Variants in GLRA1 observed in about 807,000 individuals in gnomAD.
The protein encoded by GLRA1 is glycine receptor subunit alpha-1.
A neutral mutation model predicts 48.3 loss-of-function variants in GLRA1; 37 were observed. The ratio of observed to expected loss-of-function variants is 0.77; its 90% CI spans 0.59 to 1.01. The LOEUF (loss-of-function observed/expected upper bound fraction) is 1.01. Among genes scored for constraint, GLRA1 ranks in the 50% least tolerant of loss-of-function variants. The probability of loss-of-function intolerance (pLI) is 0.00; values close to 1 mark genes in which losing one functional copy is unlikely to be tolerated. For missense variants in GLRA1, 427 were observed against 571.0 expected, an observed-to-expected ratio of 0.75 and a Z score of 2.57; for synonymous variants, 196 against 210.7, an observed-to-expected ratio of 0.93 and a Z score of 0.60.
At chr5:151,873,516 C>T (rs548203007) in intron 3 of GLRA1, among the ~76,000 whole-genome samples, 12 of 151,752 alleles carry the variant, frequency 7.9e-5, no homozygotes, top group African/African-American at 1.2e-4. Context: ...AAAAATTAGC[C>T]GGGTGTGGTG....
rs774930624 is a variant in GLRA1, at chr5:151,855,021, G to C, written c.697+19C>G. The stretch of plus-strand genomic sequence containing the variant: ...CTGGTTGGGGGGTGGGATCTGAGGA[G>C]GGTGGCCCTTGTACCTACCTGTGTT... On this transcript the variant is annotated intron_variant, in intron 6 of 8. Coordinates refer to ENST00000274576, the MANE Select transcript of GLRA1 (RefSeq NM_000171.4). The C allele has an allele frequency of 6.2e-7, 1 of 1,613,224 alleles. No homozygotes were observed. The highest frequency in any genetic ancestry group is 8.5e-7 in the Non-Finnish European group (1 of 1,179,380).
chr5:151,907,869 C>G (rs183607023), intron 1 of GLRA1, among the ~76,000 whole-genome samples: 1 of 152,264 alleles, frequency 6.6e-6, no homozygotes, highest in East Asian at 1.9e-4. Flanking sequence ...TTGATGATGC[C>G]CAGGATTCTT....
intron 3 of GLRA1, among the ~76,000 whole-genome samples, chr5:151,884,178 C>G (rs6885939): frequency 0.02 from 3,071 of 152,188 alleles, 98 homozygotes; most frequent in African/African-American, 0.071. Context: ...TCTGTAATCC[C>G]AACACTTTGG....
At chr5:151,906,691 T>C (rs1183083550) in intron 1 of GLRA1, among the ~76,000 whole-genome samples, 1 of 152,150 alleles carries the variant, frequency 6.6e-6, no homozygotes, top group African/African-American at 2.4e-5. Context: ...TTTTTTCTTC[T>C]CCAAAACACT....
At chr5:151,866,527 G>A (rs1310388637) in intron 3 of GLRA1, among the ~76,000 whole-genome samples, 2 of 152,094 alleles carry the variant, frequency 1.3e-5, no homozygotes, top group African/African-American at 4.8e-5. Flanking sequence ...GCAAGAGGTG[G>A]GCCCATTGCA....
chr5:151,924,500 A>C lies in GLRA1; in HGVS notation c.50T>G (p.Phe17Cys). 6.3e-7 allele frequency: 1 copy of C among 1,588,188 alleles called. No individual in the cohort carries two copies. ...LRLYLWETIV[F>C]FSLAASKEAE... ...TCAGTAGAAAATTGCATACCTGAAGAATACAATGGTCTCCCAAAGGTAGAG... is the reference window on the plus strand; with the variant it reads ...TCAGTAGAAAATTGCATACCTGAAGCATACAATGGTCTCCCAAAGGTAGAG... The change falls in exon 1 of 9, where the codon TTC becomes TGC. Residue 17 changes from phenylalanine to cysteine, a missense_variant. By Grantham distance (205) the Phe-to-Cys change is radical. Transcript: ENST00000274576.
At chr5:151,918,932 C>T (rs1329711927) in intron 1 of GLRA1, among the ~76,000 whole-genome samples, 1 of 152,130 alleles carries the variant, frequency 6.6e-6, no homozygotes, top group Admixed American at 6.5e-5. Flanking sequence ...TCTGATTCTT[C>T]TCTTGGAGCT....
chr5:151,906,455 A>C (rs898955015), intron 1 of GLRA1, among the ~76,000 whole-genome samples: 7 of 152,176 alleles, frequency 4.6e-5, no homozygotes, highest in Non-Finnish European at 1.0e-4. Context: ...TAAGAGGGAC[A>C]TTAACAGGCT....
At chr5:151,895,275 T>C (rs1246457691) in intron 1 of GLRA1, among the ~76,000 whole-genome samples, 1 of 152,184 alleles carries the variant, frequency 6.6e-6, no homozygotes, top group African/African-American at 2.4e-5. Flanking sequence ...GTATGTGAGC[T>C]GTATATATAC....
intron 1 of GLRA1, among the ~76,000 whole-genome samples, chr5:151,898,377 G>A (rs1215812722): frequency 1.3e-5 from 2 of 152,084 alleles, no homozygotes; most frequent in Non-Finnish European, 2.9e-5. Flanking sequence ...CCAGATCAAT[G>A]TTCAGATTCT....
At chr5:151,918,714 A>G (rs1754796687) in intron 1 of GLRA1, among the ~76,000 whole-genome samples, 1 of 152,166 alleles carries the variant, frequency 6.6e-6, no homozygotes, top group African/African-American at 2.4e-5. Context: ...ACAAATCTCA[A>G]TTTGCAAAAG....
intron 7 of GLRA1, chr5:151,850,026 T>G: frequency 6.2e-7 from 1 of 1,603,618 alleles, no homozygotes; most frequent in Non-Finnish European, 8.5e-7. Flanking sequence ...GGCACACTTG[T>G]AAGTGGATAA....
At chr5:151,848,756 G>T in intron 7 of GLRA1, 1 of 276,614 alleles carries the variant, frequency 3.6e-6, no homozygotes, top group Admixed American at 4.6e-5. Context: ...GTGGAGAGCT[G>T]AGAATGGGAG....
chr5:151,895,837 G>A (rs1754215067), intron 1 of GLRA1, among the ~76,000 whole-genome samples: 1 of 152,112 alleles, frequency 6.6e-6, no homozygotes, highest in South Asian at 2.1e-4. Context: ...GTGGGCAGAG[G>A]GGACCACAGG....
At chr5:151,895,731 A>T (rs1754212398) in intron 1 of GLRA1, among the ~76,000 whole-genome samples, 1 of 152,030 alleles carries the variant, frequency 6.6e-6, no homozygotes, top group Non-Finnish European at 1.5e-5. Context: ...CATGGAGCCC[A>T]CATGGCTGGA....
chr5:151,912,084 C>T (rs771477569), intron 1 of GLRA1, among the ~76,000 whole-genome samples: 2 of 152,138 alleles, frequency 1.3e-5, no homozygotes, highest in Non-Finnish European at 2.9e-5. Context: ...AAATCTTGCT[C>T]TAATATCTAG....
At chr5:151,864,488 G>C (rs894872173) in intron 3 of GLRA1, among the ~76,000 whole-genome samples, 1 of 152,248 alleles carries the variant, frequency 6.6e-6, no homozygotes, top group African/African-American at 2.4e-5. Context: ...GTGAGTGGCA[G>C]AGCTAGGACT....
chr5:151,915,323 CA>C (rs528057947), intron 1 of GLRA1, among the ~76,000 whole-genome samples: 6 of 152,148 alleles, frequency 3.9e-5, no homozygotes, highest in Non-Finnish European at 7.3e-5. Flanking sequence ...TATCTGTTTG[CA>C]GTTATCTATC....
chr5:151,875,342 T>A (rs192093546), intron 3 of GLRA1, among the ~76,000 whole-genome samples: 2 of 152,248 alleles, frequency 1.3e-5, no homozygotes, highest in African/African-American at 4.8e-5. Flanking sequence ...CCAGCTGATA[T>A]TTTAATTTTT....
Sources: allele counts gnomAD v4.1 joint callset (sites outside exome capture counted in the v4.1 genomes callset), GRCh38; gene constraint gnomAD v4.1.1; transcripts MANE v1.5; gene names NCBI Gene and HGNC (gene_info 2026-07-23, HGNC 2026-07-21).